Variants in ESRRG observed in about 807,000 individuals in gnomAD.
ESRRG encodes estrogen related receptor gamma.
Under a neutral mutation model 44.0 loss-of-function variants are expected in ESRRG, and 13 were observed. That is an observed-to-expected ratio of 0.30 (90% CI 0.19 to 0.47). The LOEUF is 0.47. ESRRG is among the 20% of genes least tolerant of loss of function. The pLI, the probability that ESRRG is intolerant of heterozygous loss-of-function variation, is 1.00. For synonymous variants in ESRRG, 215 were observed against 214.6 expected (o/e 1.00, Z -0.02); for missense variants, 395 against 580.6 (o/e 0.68, Z 3.29).
intron 2 of ESRRG, among the ~76,000 whole-genome samples, chr1:216,904,014 T>C (rs1416727453): frequency 6.6e-6 from 1 of 152,090 alleles, no homozygotes; most frequent in Non-Finnish European, 1.5e-5. Context: ...TCTTGATAAT[T>C]CAGTAATTCA....
intron 5 of ESRRG, among the ~76,000 whole-genome samples, chr1:216,543,472 A>C (rs1317795518): frequency 6.6e-6 from 1 of 152,020 alleles, no homozygotes; most frequent in African/African-American, 2.4e-5. Context: ...TCTTGGAAAC[A>C]TGGGTTTATA....
At chr1:216,913,221 T>G (rs1318184513) in intron 2 of ESRRG, among the ~76,000 whole-genome samples, 1 of 152,030 alleles carries the variant, frequency 6.6e-6, no homozygotes, top group Non-Finnish European at 1.5e-5. Context: ...TTCCTTGTCA[T>G]TACTCCCTAA....
intron 1 of ESRRG, among the ~76,000 whole-genome samples, chr1:216,716,824 A>G (rs1394660862): frequency 6.6e-6 from 1 of 151,882 alleles, no homozygotes; most frequent in Non-Finnish European, 1.5e-5. Flanking sequence ...AAAGAATTCC[A>G]TATAGCCATA....
At position 216,848,968 on chromosome 1, in the gene ESRRG, G is replaced by A. The variant is rs1577214102; in HGVS notation, c.-14+90614C>T. ...TTTTTCCTCCTGGCGTATTTTATGA[G>A]GACGAAATGCCTTTCTGATATGAAC... On this transcript the variant is annotated intron_variant, in intron 2 of 7. Transcript: ENST00000359162. Among the ~76,000 whole-genome samples, 3 of 152,054 alleles carry A rather than the reference G, an allele frequency of 2.0e-5. No homozygotes were observed. In the South Asian group the frequency reaches 6.2e-4, roughly 32 times the overall value.
intron 1 of ESRRG, among the ~76,000 whole-genome samples, chr1:217,013,800 T>C (rs1361932506): frequency 9.7e-6 from 1 of 103,312 alleles, no homozygotes; most frequent in Non-Finnish European, 2.0e-5. Context: ...AGCACAGTGC[T>C]CCCTGACTGG....
chr1:216,736,276 G>A (rs1463075415), intron 2 of ESRRG, among the ~76,000 whole-genome samples: 1 of 144,206 alleles, frequency 6.9e-6, no homozygotes, highest in South Asian at 2.3e-4. Flanking sequence ...TCCGCCTCCC[G>A]GTTTCACGCC....
intron 2 of ESRRG, among the ~76,000 whole-genome samples, chr1:216,853,061 G>T (rs1250743763): frequency 6.6e-6 from 1 of 152,156 alleles, no homozygotes; most frequent in African/African-American, 2.4e-5. Context: ...CCCAAACTTT[G>T]TAATACTCTA....
At chr1:216,801,901 A>T (rs1190564324) in intron 2 of ESRRG, among the ~76,000 whole-genome samples, 1 of 152,146 alleles carries the variant, frequency 6.6e-6, no homozygotes, top group African/African-American at 2.4e-5. Flanking sequence ...CCTATTGCAT[A>T]CATTTGAGGC....
intron 5 of ESRRG, among the ~76,000 whole-genome samples, chr1:216,533,707 C>G (rs2050080308): frequency 6.6e-6 from 1 of 152,100 alleles, no homozygotes; most frequent in South Asian, 2.1e-4. Context: ...AGCGGATGTT[C>G]CTCTTAACAA....
intron 2 of ESRRG, among the ~76,000 whole-genome samples, chr1:216,898,047 A>T (rs979612893): frequency 6.6e-5 from 10 of 152,220 alleles, no homozygotes; most frequent in African/African-American, 2.4e-4. Flanking sequence ...GCAAATTATA[A>T]GGTTGAAATG....
At chr1:216,819,843 A>C (rs1250708102) in intron 2 of ESRRG, among the ~76,000 whole-genome samples, 1 of 152,216 alleles carries the variant, frequency 6.6e-6, no homozygotes, top group Admixed American at 6.5e-5. Context: ...CACCTAAAAC[A>C]CTGACCCTAA....
chr1:216,746,135 T>C (rs1469277592), intron 2 of ESRRG, among the ~76,000 whole-genome samples: 1 of 152,216 alleles, frequency 6.6e-6, no homozygotes, highest in African/African-American at 2.4e-5. Flanking sequence ...AAAGTAGATA[T>C]TATGGTGATA....
At chr1:216,640,493 GAGA>G (rs2066184176) in intron 3 of ESRRG, among the ~76,000 whole-genome samples, 2 of 5,852 alleles carry the variant, frequency 3.4e-4, no homozygotes, top group East Asian at 1.5e-3. Context: ...GTGAGGGAGA[GAGA>G]GAGAGAGAGA....
chr1:216,786,044 C>T (rs2094117429), intron 2 of ESRRG, among the ~76,000 whole-genome samples: 2 of 152,070 alleles, frequency 1.3e-5, no homozygotes, highest in Non-Finnish European at 2.9e-5. Flanking sequence ...CTATCCGCTG[C>T]TCCCTAAAGG....
At position 217,034,004 on chromosome 1, in the gene ESRRG, C is replaced by G. The variant is rs543041261; in HGVS notation, c.-106+55503G>C. Among the ~76,000 whole-genome samples, 27 of 152,286 alleles carry G rather than the reference C, an allele frequency of 1.8e-4. No individual in the cohort carries two copies. The South Asian group carries it at 5.4e-3, about 30-fold the overall frequency. On this transcript the variant is annotated intron_variant, in intron 1 of 7. Coordinates refer to the ESRRG transcript ENST00000359162. Reference sequence around the variant, plus strand: ...TGAAACACTGTGCTTATCTGAACATCTAGAACTGGCTTGATTTTTGACTGC... The same window carrying G: ...TGAAACACTGTGCTTATCTGAACATGTAGAACTGGCTTGATTTTTGACTGC...
chr1:217,011,225 G>A (rs997305143), intron 1 of ESRRG, among the ~76,000 whole-genome samples: 2 of 152,200 alleles, frequency 1.3e-5, no homozygotes, highest in Non-Finnish European at 2.9e-5. Context: ...AAGATGCCAA[G>A]TGAATGTGAT....
At chr1:216,514,985 C>CAA (rs1553279703) in intron 6 of ESRRG, among the ~76,000 whole-genome samples, 1 of 143,464 alleles carries the variant, frequency 7.0e-6, no homozygotes, top group African/African-American at 2.6e-5. Context: ...CACACACACA[C>CAA]AACACACACT....
At chr1:217,024,360 A>G (rs2150955337) in intron 1 of ESRRG, among the ~76,000 whole-genome samples, 1 of 152,024 alleles carries the variant, frequency 6.6e-6, no homozygotes, top group Admixed American at 6.5e-5. Context: ...TCCATTTAAA[A>G]AAAAAAAAAA....
chr1:216,723,058 A>G (rs1361182930), intron 1 of ESRRG, among the ~76,000 whole-genome samples, 186 bp downstream of exon 1: 1 of 152,102 alleles, frequency 6.6e-6, no homozygotes, highest in Non-Finnish European at 1.5e-5. Flanking sequence ...GTCAGAGAAC[A>G]ATTCTCGACT....
Sources: gnomAD v4.1 joint callset for allele counts (sites outside exome capture counted in the v4.1 genomes callset) on GRCh38, gnomAD v4.1.1 for gene constraint, MANE v1.5 for transcripts, NCBI Gene and HGNC (gene_info 2026-07-23, HGNC 2026-07-21) for gene names.